The following DNASE1 variants were observed in gnomAD, a reference collection of about 807,000 sequenced individuals.
The protein encoded by DNASE1 is deoxyribonuclease-1.
DNASE1 carries 40 observed loss-of-function variants against 33.9 expected under a neutral mutation model. The ratio of observed to expected loss-of-function variants is 1.18; its 90% CI spans 0.92 to 1.54. The LOEUF is 1.54. Among genes scored for constraint, DNASE1 ranks in the 40% most tolerant of loss-of-function variants. The probability of loss-of-function intolerance (pLI) is 0.00; values close to 1 mark genes in which losing one functional copy is unlikely to be tolerated. For synonymous variants in DNASE1, 216 were observed against 160.0 expected (o/e 1.35, Z -2.64); for missense variants, 518 against 372.6 (o/e 1.39, Z -3.21).
upstream of DNASE1, chr16:3,652,334 T>A (rs1330343984): frequency 6.6e-6 from 1 of 152,320 alleles, no homozygotes; most frequent in East Asian, 1.9e-4. Flanking sequence ...GGCAGTTTCT[T>A]GGTGGAGGAC....
At position 3,654,700 on chromosome 16, in the gene DNASE1, A is replaced by G. The variant is rs974009146; in HGVS notation, c.-346A>G. On this transcript the variant is annotated 5_prime_UTR_variant, in exon 1 of 9. Transcript: ENST00000246949. Reference sequence around the variant, plus strand: ...AACGTGATTATCAGGTGCAGTTTTTACAGCAGCAAGAAACCTGTGCTTACA... The same window carrying G: ...AACGTGATTATCAGGTGCAGTTTTTGCAGCAGCAAGAAACCTGTGCTTACA... The G allele has an allele frequency of 5.0e-6, 2 of 399,434 alleles. No individual in the cohort carries two copies. The highest frequency in any genetic ancestry group is 4.4e-5 in the Admixed American group (1 of 22,764). 24.7% of individuals were successfully genotyped at this position (399,434 alleles called of 1,614,324 possible).
chr16:3,626,200 T>TAA (rs565615668), intron 1 of DNASE1, among the ~76,000 whole-genome samples: 2 of 139,370 alleles, frequency 1.4e-5, no homozygotes, highest in African/African-American at 2.6e-5. Flanking sequence ...AAAGAAATCC[T>TAA]AAAAAAAAAA....
chr16:3,640,910 C>T (rs552434436), upstream of DNASE1: 38 of 398,662 alleles, frequency 9.5e-5, 1 homozygote, highest in East Asian at 1.2e-3. Context: ...CCCATGAGCT[C>T]TCAAGGGCAG....
chr16:3,659,081 T>G, downstream of DNASE1: 1 of 540,938 alleles, frequency 1.8e-6, no homozygotes, highest in Non-Finnish European at 3.3e-6. Context: ...TGCTGTAAGG[T>G]AGCCAAACTC....
At chr16:3,662,292 T>C (rs2043127117), downstream of DNASE1, 3 of 858,560 alleles carry the variant, frequency 3.5e-6, no homozygotes, top group Non-Finnish European at 5.2e-6. Context: ...ACCCACTAAC[T>C]TGTGGGCCCT....
Position 3,657,429 on chromosome 16 carries a change from CT to C in DNASE1, c.704+91del. 4 of 1,525,034 alleles carry C rather than the reference CT, an allele frequency of 2.6e-6. No homozygotes were observed. In the South Asian group the frequency reaches 4.7e-5, roughly 18 times the overall value. The allele number at this position is 1,525,034 out of a possible 1,614,324, so 94.5% of individuals were successfully genotyped here. A position where few individuals can be genotyped will look rare whatever the true frequency, so the allele number is the denominator to read the frequency against. ...GGTCGGGCTTCAGAAGCCTCAAAGC[CT>C]TTGAACACTCACCCAACTGAGCTTC... is the stretch of plus-strand genomic sequence containing the variant. On this transcript the variant is annotated intron_variant, in intron 7 of 8. Transcript: ENST00000246949.
intron 1 of DNASE1, among the ~76,000 whole-genome samples, chr16:3,629,831 T>G (rs2041638680): frequency 1.3e-5 from 2 of 152,298 alleles, no homozygotes; most frequent in African/African-American, 4.8e-5. Context: ...TTTTTGTTTT[T>G]AAAACAGAGT....
intron 1 of DNASE1, among the ~76,000 whole-genome samples, chr16:3,630,143 G>C (rs1430396231): frequency 6.6e-6 from 1 of 151,900 alleles, no homozygotes; most frequent in Non-Finnish European, 1.5e-5. Context: ...TTGTGTGTGT[G>C]TGTGTGTGTG....
At chr16:3,619,917 C>CTTTT (rs1180233396) in intron 1 of DNASE1, among the ~76,000 whole-genome samples, 2 of 136,840 alleles carry the variant, frequency 1.5e-5, no homozygotes, top group Admixed American at 7.4e-5. Flanking sequence ...TATGGCTTTT[C>CTTTT]TTTTTTTTTT....
downstream of DNASE1, chr16:3,661,935 A>G (rs377702540): frequency 3.0e-3 from 4,667 of 1,534,510 alleles, 20 homozygotes; most frequent in Non-Finnish European, 3.8e-3. Context: ...AACACCACAC[A>G]CAGGATTCTG....
chr16:3,616,752 C>CTG (rs1243004043), intron 1 of DNASE1, among the ~76,000 whole-genome samples: 2 of 152,146 alleles, frequency 1.3e-5, no homozygotes, highest in Non-Finnish European at 2.9e-5. Flanking sequence ...TTATTACAAG[C>CTG]TATAGTAATC....
upstream of DNASE1, chr16:3,652,749 T>G (rs1045937590): frequency 6.6e-5 from 10 of 152,356 alleles, no homozygotes; most frequent in African/African-American, 2.4e-4. Flanking sequence ...GGGCCTGCCT[T>G]CTGCTTCATG....
chr16:3,659,684 G>A (rs1342866611), downstream of DNASE1: 1 of 152,074 alleles, frequency 6.6e-6, no homozygotes, highest in Non-Finnish European at 1.5e-5. Flanking sequence ...AAAACCACAT[G>A]TGGATGATAT....
intron 6 of DNASE1, 21 bp downstream of exon 6, chr16:3,657,132 G>C (rs369279602): frequency 1.2e-6 from 2 of 1,614,092 alleles, no homozygotes; most frequent in South Asian, 1.1e-5. Flanking sequence ...CCCAGGGGCA[G>C]TGGGCACCAG....
chr16:3,656,167 G>C lies in DNASE1; in HGVS notation c.302G>C (p.Arg101Pro), dbSNP rs772385567. The C allele has an allele frequency of 1.2e-6, 2 of 1,613,952 alleles. No individual in the cohort carries two copies. The highest frequency in any genetic ancestry group is 1.3e-5 in the African/African-American group (1 of 74,920). Residue 101 changes from arginine to proline, a missense_variant, in exon 4 of 9, where the codon CGC (arginine) becomes CCC (proline). By Grantham distance (103) the Arg-to-Pro change is moderately radical (BLOSUM62 -2). Transcript: ENST00000246949. ...CTGGGACGGAACAGCTATAAGGAGC[G>C]CTACCTGTTCGTGTACAGGTGGGTG... The part of the protein sequence containing the change: ...EPLGRNSYKE[R>P]YLFVYRPDQV...
At chr16:3,659,803 T>C (rs760871058), downstream of DNASE1, 7 of 151,808 alleles carry the variant, frequency 4.6e-5, no homozygotes, top group Non-Finnish European at 1.0e-4. Flanking sequence ...TCACCCAAGC[T>C]AGAGTGAAAT....
chr16:3,657,885 C>T (rs759131981), intron 8 of DNASE1, 21 bp from the exon 9 acceptor site: 4 of 1,614,006 alleles, frequency 2.5e-6, no homozygotes, highest in African/African-American at 1.3e-5. Flanking sequence ...CAGCCCAGAC[C>T]CTGTGCCCAC....
rs776953445 is a variant in DNASE1 at position 3,657,802 on chromosome 16, C to G, written c.787C>G (p.Leu263Val). ...LPFNFQAAYGLSDQLAQAISD... is the reference protein window; with the variant it reads ...LPFNFQAAYGVSDQLAQAISD... ...CTTTAACTTCCAGGCTGCCTATGGC[C>G]TGAGTGACCAACTGGTATGTGTCCT... The change falls in exon 8 of 9, where the codon CTG becomes GTG. Residue 263 changes from leucine (L) to valine (V), a missense_variant. Physicochemically the swap from Leu to Val is conservative, Grantham distance 32 (BLOSUM62 1). Coordinates refer to ENST00000246949, the MANE Select transcript of DNASE1 (RefSeq NM_005223.4). 1 of 1,614,056 alleles carries G rather than the reference C, an allele frequency of 6.2e-7. No homozygotes were observed. Among genetic ancestry groups the G allele is most frequent in the South Asian group, 1.1e-5 (1 of 91,080 alleles).
Position 3,620,758 on chromosome 16 carries a change from G to C in DNASE1, c.-1359+8752G>C, listed in dbSNP as rs148152744. The stretch of plus-strand genomic sequence containing the variant: ...TAAATCTAGGATTTCTAGGCTAAAG[G>C]GTATGTGTGTTTTGTTTGGTTTGCC... On this transcript the variant is annotated intron_variant and NMD_transcript_variant, in intron 1 of 11. Coordinates refer to the DNASE1 transcript ENST00000570769. Among the ~76,000 whole-genome samples, 54 of 150,652 alleles carry C rather than the reference G, an allele frequency of 3.6e-4. 1 individual carries two copies. In the East Asian group the frequency reaches 9.9e-3, roughly 28 times the overall value.
Sources: allele counts gnomAD v4.1 joint callset (sites outside exome capture counted in the v4.1 genomes callset), GRCh38; gene constraint gnomAD v4.1.1; transcripts MANE v1.5; gene names NCBI Gene and HGNC (gene_info 2026-07-23, HGNC 2026-07-21).